The following TTN variants were observed in gnomAD, a reference collection of about 807,000 sequenced individuals.
TTN encodes connectin.
A neutral mutation model predicts 3,223.0 loss-of-function variants in TTN; 1,525 were observed. That is an observed-to-expected ratio of 0.47 (90% CI 0.45 to 0.49). The LOEUF (loss-of-function observed/expected upper bound fraction) is 0.49. Among genes scored for constraint, TTN ranks in the 20% least tolerant of loss-of-function variants. The pLI is 0.00. For synonymous variants in TTN, 14,094 were observed against 15,161.0 expected (o/e 0.93, Z 5.17); for missense variants, 40,786 against 43,424.0 (o/e 0.94, Z 5.40).
At position 178,585,196 on chromosome 2, in the gene TTN, A is replaced by G. The variant is rs878894570; in HGVS notation, c.64548T>C (p.His21516=). 6.8e-6 allele frequency: 11 copies of G among 1,613,378 alleles called. No homozygotes were observed. The highest frequency in any genetic ancestry group is 8.5e-6 in the Non-Finnish European group (10 of 1,179,488). The change falls in exon 309 of 363, where the codon CAT becomes CAC. Residue 21516 remains histidine, a synonymous_variant. Coordinates refer to ENST00000589042, the MANE Select transcript of TTN (RefSeq NM_001267550.2). The stretch of plus-strand genomic sequence containing the variant: ...TCAGAATTGAAGAGCTGTCTGCTTT[A>G]TGCACTGCCAGGTGGCTGGATGTGA... ...EVVTSSHLAV[H]KADSSSILII...
rs1422420147 is a variant in TTN, at chr2:178,779,331, T to C, written c.3861A>G (p.Glu1287=). Residue 1287 remains glutamate (E), a synonymous_variant, in exon 23 of 363, where the codon GAA becomes GAG. Transcript: ENST00000589042. ...EKMAVDISES[E]AVESGFDSRI... is the part of the protein sequence containing the mutation. Reference sequence around the variant, plus strand: ...TTGAATCAAATCCTGATTCAACAGCTTCAGATTCAGAAATGTCAACTGCCA... The same window carrying C: ...TTGAATCAAATCCTGATTCAACAGCCTCAGATTCAGAAATGTCAACTGCCA... 3 of 1,613,298 alleles carry C rather than the reference T, an allele frequency of 1.9e-6. No individual in the cohort carries two copies. The highest frequency in any genetic ancestry group is 1.1e-5 in the South Asian group (1 of 91,048).
At chr2:178,550,721 A>G (rs1699102695) in intron 336 of TTN, 1 of 508,648 alleles carries the variant, frequency 2.0e-6, no homozygotes, top group Non-Finnish European at 3.4e-6. Context: ...GAAAATTACA[A>G]AGCTAAAAAC....
chr2:178,717,950 A>G lies in TTN; in HGVS notation c.25056T>C (p.Val8352=), dbSNP rs757546548. 11 of 1,611,278 alleles carry G rather than the reference A, an allele frequency of 6.8e-6. No homozygotes were observed. In the South Asian group the frequency reaches 1.2e-4, roughly 18 times the overall value. Residue 8352 remains valine (V), a synonymous_variant, in exon 86 of 363, where the codon GTT becomes GTC. Coordinates refer to ENST00000589042, the MANE Select transcript of TTN (RefSeq NM_001267550.2). The part of the protein sequence containing the change: ...VGAVASSAVL[V]IKARKLPPFF... ...GTTAAACAACACCATCACCTTTGAT[A>G]ACAAGCACAGCTGAAGAAGCGACTG...
In TTN at chr2:178,675,744, T is replaced by A; in HGVS notation, c.34464A>T (p.Val11488=). The change falls in exon 149 of 363, where the codon GTA becomes GTT. Residue 11488 remains valine, a synonymous_variant. Coordinates refer to ENST00000589042, the MANE Select transcript of TTN (RefSeq NM_001267550.2). ...TCTTTTCTGGCTCAGGTTTCTTAGG[T>A]ACCACAGACACTTTAAAAATATTAT... is the stretch of plus-strand genomic sequence containing the variant. ...EEAPPAKVSV[V]PKKPEPEKKV... 1 of 1,452,678 alleles carries A rather than the reference T, an allele frequency of 6.9e-7. No individual in the cohort carries two copies. Among genetic ancestry groups the A allele is most frequent in the Middle Eastern group, 2.3e-4 (1 of 4,358 alleles). 90.0% of individuals were successfully genotyped at this position (1,452,678 alleles called of 1,614,324 possible).
In TTN at chr2:178,561,122, C is replaced by A; in HGVS notation, c.85010G>T (p.Ser28337Ile). Reference protein sequence around the residue: ...VFARNAADSVSEPSESTGPII... With the variant: ...VFARNAADSVIEPSESTGPII... ...AGGCCCAGTGGATTCAGATGGCTCA[C>A]TAACTGAGTCAGCAGCATTCCTTGC... is the stretch of plus-strand genomic sequence containing the variant. Residue 28337 changes from serine to isoleucine, a missense_variant, in exon 326 of 363, where the codon AGT (serine) becomes ATT (isoleucine). Transcript: ENST00000589042. 4 of 1,613,858 alleles carry A rather than the reference C, an allele frequency of 2.5e-6. No individual in the cohort carries two copies. Among genetic ancestry groups the A allele is most frequent in the Non-Finnish European group, 3.4e-6 (4 of 1,179,818 alleles).
chr2:178,720,996 C>T lies in TTN; in HGVS notation c.23023G>A (p.Asp7675Asn), dbSNP rs552951988. ...GCCTCACAAATGTAGTCCCCGCTGT[C>T]TTCAGCACTAGCTTCATTGATCGTA... ...LLTINEASAE[D>N]SGDYICEAHN... The change falls in exon 79 of 363, where the codon GAC becomes AAC. Residue 7675 changes from aspartate to asparagine, a missense_variant. Asp to Asn is a conservative substitution (Grantham distance 23, BLOSUM62 1). Transcript: ENST00000589042. 8 of 1,612,910 alleles carry T rather than the reference C, an allele frequency of 5.0e-6. No homozygotes were observed. In the South Asian group the frequency reaches 8.8e-5, roughly 18 times the overall value.
rs778334134 is a variant in TTN, at chr2:178,594,094, A to C, written c.58299T>G (p.Thr19433=). Reference sequence around the variant, plus strand: ...GTGTTGCTGGTGTAGTCTTTATATGAGTGCGATCATCTTCCAGCACATCAG... The same window carrying C: ...GTGTTGCTGGTGTAGTCTTTATATGCGTGCGATCATCTTCCAGCACATCAG... ...DEADVLEDDR[T]HIKTTPATLA... Residue 19433 remains threonine, a synonymous_variant, in exon 297 of 363, where the codon ACT becomes ACG. Coordinates refer to ENST00000589042, the MANE Select transcript of TTN (RefSeq NM_001267550.2). The C allele has an allele frequency of 2.0e-5, 32 of 1,613,306 alleles. No homozygotes were observed. Among genetic ancestry groups the C allele is most frequent in the Non-Finnish European group, 2.7e-5 (32 of 1,179,634 alleles).
At position 178,568,149 on chromosome 2, in the gene TTN, C is replaced by T; in HGVS notation, c.77983G>A (p.Gly25995Ser). Residue 25995 changes from glycine to serine, a missense_variant, in exon 326 of 363, where the codon GGT (glycine) becomes AGT (serine). Transcript: ENST00000589042. ...GAAATGGCTGTGGCAAATGGTGTAC[C>T]TGGAGGGCCTGGTTCTTTGTAGGGA... ...QYPYKEPGPP[G>S]TPFATAISKD... 6.2e-7 allele frequency: 1 copy of T among 1,613,456 alleles called. No individual in the cohort carries two copies. The highest frequency in any genetic ancestry group is 1.7e-5 in the Admixed American group (1 of 59,988).
intron 47 of TTN, chr2:178,750,036 C>A: frequency 6.2e-7 from 1 of 1,613,148 alleles, no homozygotes; most frequent in Non-Finnish European, 8.5e-7. Context: ...TGAAACACTT[C>A]TTTAGACTCT....
At chr2:178,545,250 T>C (rs1696528602) in intron 344 of TTN, 138 bp downstream of exon 344, 1 of 724,376 alleles carries the variant, frequency 1.4e-6, no homozygotes, top group Non-Finnish European at 2.0e-6. Context: ...TTAAGCTATA[T>C]TTATGATCAT....
At chr2:178,594,749 A>C in intron 295 of TTN, 103 bp from the exon 296 acceptor site, 2 of 946,924 alleles carry the variant, frequency 2.1e-6, no homozygotes, top group Non-Finnish European at 3.1e-6. Context: ...TTTAAACATT[A>C]AACTCTCTGC....
chr2:178,800,673 G>A lies in TTN; in HGVS notation c.305C>T (p.Ala102Val). 1 of 1,607,224 alleles carries A rather than the reference G, an allele frequency of 6.2e-7. No homozygotes were observed. The highest frequency in any genetic ancestry group is 1.1e-5 in the South Asian group (1 of 90,058). ...CAGTCGTTGAACGAAGTTGGGTGGTGCTGTCTCAGCTGCGGGGACAAGAGA... is the reference window on the plus strand; with the variant it reads ...CAGTCGTTGAACGAAGTTGGGTGGTACTGTCTCAGCTGCGGGGACAAGAGA... ...TAELLVKAET[A>V]PPNFVQRLQS... is the part of the protein sequence containing the mutation. Residue 102 changes from alanine (A) to valine (V), a missense_variant, in exon 4 of 363, where the codon GCA (alanine) becomes GTA (valine). Ala to Val is a moderately conservative substitution (Grantham distance 64). Transcript: ENST00000589042.
In TTN at chr2:178,732,637, C is replaced by A; in HGVS notation, c.16424G>T (p.Gly5475Val). 1.2e-6 allele frequency: 2 copies of A among 1,613,118 alleles called. No homozygotes were observed. Among genetic ancestry groups the A allele is most frequent in the South Asian group, 1.1e-5 (1 of 90,976 alleles). Reference protein sequence around the residue: ...SAVCLKSTFQGSTPLTIRWFK... With the variant: ...SAVCLKSTFQVSTPLTIRWFK... The stretch of plus-strand genomic sequence containing the variant: ...CCATCTGATTGTGAGAGGAGTAGAT[C>A]CTTGGAAAGTGCTCTTCAGGCAGAC... The change falls in exon 56 of 363, where the codon GGA becomes GTA. Residue 5475 changes from glycine (G) to valine (V), a missense_variant. By Grantham distance (109) the Gly-to-Val change is moderately radical (BLOSUM62 -3). Coordinates refer to ENST00000589042, the MANE Select transcript of TTN (RefSeq NM_001267550.2).
chr2:178,610,531 T>A, intron 270 of TTN, 142 bp from the exon 271 acceptor site: 1 of 915,816 alleles, frequency 1.1e-6, no homozygotes, highest in Non-Finnish European at 1.6e-6. Context: ...GCAGAGCATT[T>A]AGCATCCTTG....
rs72648948 is a variant in TTN, at chr2:178,729,501, C to T, written c.18655G>A (p.Glu6219Lys). The part of the protein sequence containing the change: ...EVVKYSDVEL[E>K]CEVTGTPPFE... ...GGAGGTGTTCCCGTAACTTCACACT[C>T]CAGCTCCACGTCACTATATTTTACT... The change falls in exon 64 of 363, where the codon GAG (glutamate) becomes AAG (lysine). Residue 6219 changes from glutamate (E) to lysine (K), a missense_variant. Transcript: ENST00000589042. 49 of 1,613,472 alleles carry T rather than the reference C, an allele frequency of 3.0e-5. No homozygotes were observed. The African/African-American group carries it at 6.0e-4, about 20-fold the overall frequency.
At chr2:178,668,725 T>G (rs1460442725) in intron 159 of TTN, among the ~76,000 whole-genome samples, 2 of 148,990 alleles carry the variant, frequency 1.3e-5, no homozygotes, top group African/African-American at 2.5e-5. Flanking sequence ...CAGAGTGAGA[T>G]TCCATCTCAA....
intron 270 of TTN, 64 bp from the exon 271 acceptor site, chr2:178,610,453 G>T: frequency 2.6e-6 from 4 of 1,526,772 alleles, no homozygotes; most frequent in East Asian, 2.3e-5. Context: ...TAATGCACTT[G>T]TCTCTAAGTG....
Position 178,718,836 on chromosome 2 carries a change from C to T in TTN, c.24364G>A (p.Glu8122Lys). 6.2e-7 allele frequency: 1 copy of T among 1,613,682 alleles called. No individual in the cohort carries two copies. Among genetic ancestry groups the T allele is most frequent in the South Asian group, 1.1e-5 (1 of 91,072 alleles). ...TCTTCCAGAGAGATGTTGCATGACT[C>T]CCCAGGCACCAGTTCCCTGCTGCCT... is the stretch of plus-strand genomic sequence containing the variant. ...FKGSRELVPG[E>K]SCNISLEDFV... The change falls in exon 84 of 363, where the codon GAG becomes AAG. Residue 8122 changes from glutamate (E) to lysine (K), a missense_variant. Coordinates refer to ENST00000589042, the MANE Select transcript of TTN (RefSeq NM_001267550.2).
Position 178,675,680 on chromosome 2 carries a change from G to A in TTN, c.34528C>T (p.Pro11510Ser). 1 of 1,416,986 alleles carries A rather than the reference G, an allele frequency of 7.1e-7. No individual in the cohort carries two copies. The highest frequency in any genetic ancestry group is 2.6e-4 in the Middle Eastern group (1 of 3,856). The allele number at this position is 1,416,986 out of a possible 1,614,324, so 87.8% of individuals were successfully genotyped here. Residue 11510 changes from proline (P) to serine (S), a missense_variant, in exon 149 of 363, where the codon CCT becomes TCT. By Grantham distance (74) the Pro-to-Ser change is moderately conservative (BLOSUM62 -1). Transcript: ENST00000589042. ...PPGLKKAVAP[P>S]AKVPEVPKKV... is the part of the protein sequence containing the mutation. ...TTATGGGATGATGTACCTTTGGCAG[G>A]AGGGGCCACTGCTTTCTTAAGACCA...
Sources: allele counts gnomAD v4.1 joint callset (sites outside exome capture counted in the v4.1 genomes callset), GRCh38; gene constraint gnomAD v4.1.1; transcripts MANE v1.5; gene names NCBI Gene and HGNC (gene_info 2026-07-23, HGNC 2026-07-21).